CALY: variants seen among roughly 807,000 people sequenced by gnomAD.
CALY encodes neuron-specific vesicular protein calcyon.
Under a neutral mutation model 20.2 loss-of-function variants are expected in CALY, and 15 were observed. That is an observed-to-expected ratio of 0.74 (90% CI 0.50 to 1.14). CALY has a LOEUF of 1.14. Among genes scored for constraint, CALY ranks in the 50% most tolerant of loss-of-function variants. The pLI, the probability that CALY is intolerant of heterozygous loss-of-function variation, is 0.00. For synonymous variants in CALY, 129 were observed against 131.8 expected (o/e 0.98, Z 0.15); for missense variants, 270 against 304.4 (o/e 0.89, Z 0.84).
At chr10:133,326,248 C>G in intron 4 of CALY, 128 bp from the exon 5 acceptor site, 1 of 1,550,542 alleles carries the variant, frequency 6.4e-7, no homozygotes. Flanking sequence ...TTCAGGACAC[C>G]GAAGATCAGC....
chr10:133,334,644 T>G (rs1848397637), intron 1 of CALY, among the ~76,000 whole-genome samples: 1 of 139,524 alleles, frequency 7.2e-6, no homozygotes. Flanking sequence ...AGGAAGGATT[T>G]GGAGGTGGCA....
Position 133,326,881 on chromosome 10 carries a change from C to A in CALY, c.357G>T (p.Leu119=), listed in dbSNP as rs1265186852. The part of the protein sequence containing the change: ...DQFTCPDGFL[L]RHKICTPLTL... Reference sequence around the variant, plus strand: ...ACCAGAGCCCTGGCCCCCTTACCCGCAGCAGGAAGCCGTCGGGGCAGGTGA... The same window carrying A: ...ACCAGAGCCCTGGCCCCCTTACCCGAAGCAGGAAGCCGTCGGGGCAGGTGA... Residue 119 remains leucine, a synonymous_variant, in exon 4 of 6, where the codon CTG becomes CTT. Transcript: ENST00000252939. The A allele has an allele frequency of 3.1e-6, 5 of 1,602,470 alleles. No individual in the cohort carries two copies. In the South Asian group the frequency reaches 3.4e-5, roughly 11 times the overall value.
chr10:133,326,322 G>C (rs1315291167), intron 4 of CALY: 1 of 1,516,406 alleles, frequency 6.6e-7, no homozygotes, highest in Admixed American at 2.0e-5. Context: ...TGTAAGGGGA[G>C]GGGCCACCCA....
rs1173840245 is a variant in CALY at position 133,336,895 on chromosome 10, A to C, written c.-82T>G. ...GGGGAGGACGACGATGCGGATGTGG[A>C]TGCGGAGGATGCGGTTCCAGACGCT... On this transcript the variant is annotated 5_prime_UTR_variant, in exon 1 of 6. Coordinates refer to ENST00000252939, the MANE Select transcript of CALY (RefSeq NM_015722.4). 1.3e-5 allele frequency: 2 copies of C among 152,250 alleles called. No homozygotes were observed. Among genetic ancestry groups the C allele is most frequent in the Non-Finnish European group, 2.9e-5 (2 of 68,064 alleles). 9.4% of individuals were successfully genotyped at this position (152,250 alleles called of 1,614,324 possible).
rs1848456967 is a variant in CALY at position 133,336,893 on chromosome 10, G to C, written c.-80C>G. 6.6e-6 allele frequency: 1 copy of C among 152,302 alleles called. No homozygotes were observed. Among genetic ancestry groups the C allele is most frequent in the Non-Finnish European group, 1.5e-5 (1 of 68,090 alleles). The allele number at this position is 152,302 out of a possible 1,614,324, so 9.4% of individuals were successfully genotyped here. A position where few individuals can be genotyped will look rare whatever the true frequency, so the allele number is the denominator to read the frequency against. On this transcript the variant is annotated 5_prime_UTR_variant, in exon 1 of 6. Coordinates refer to ENST00000252939, the MANE Select transcript of CALY (RefSeq NM_015722.4). Reference sequence around the variant, plus strand: ...TCGGGGAGGACGACGATGCGGATGTGGATGCGGAGGATGCGGTTCCAGACG... The same window carrying C: ...TCGGGGAGGACGACGATGCGGATGTCGATGCGGAGGATGCGGTTCCAGACG...
chr10:133,334,700 G>A (rs1362620267), intron 1 of CALY, among the ~76,000 whole-genome samples: 1 of 151,986 alleles, frequency 6.6e-6, no homozygotes, highest in African/African-American at 2.4e-5. Flanking sequence ...CTGCGTGGGC[G>A]AGAGTGCGGC....
Position 133,324,406 on chromosome 10 carries a change from C to G in CALY, c.*1189G>C. 1 of 454,730 alleles carries G rather than the reference C, an allele frequency of 2.2e-6. No homozygotes were observed. Among genetic ancestry groups the G allele is most frequent in the Non-Finnish European group, 4.4e-6 (1 of 226,796 alleles). The allele number at this position is 454,730 out of a possible 1,614,324, so 28.2% of individuals were successfully genotyped here. A position where few individuals can be genotyped will look rare whatever the true frequency, so the allele number is the denominator to read the frequency against. The stretch of plus-strand genomic sequence containing the variant: ...AGCTGGGAAGCTGCCTAGACCCGCA[C>G]CTAGCCAGCAAGCCTGGGAGCCAAT... On this transcript the variant is annotated 3_prime_UTR_variant, in exon 6 of 6. Transcript: ENST00000252939.
intron 1 of CALY, among the ~76,000 whole-genome samples, chr10:133,332,070 C>G (rs566552693): frequency 2.0e-5 from 3 of 151,212 alleles, no homozygotes; most frequent in Admixed American, 6.6e-5. Flanking sequence ...GAGGTTGCAG[C>G]GAGCTGAGAT....
In CALY at chr10:133,325,813, C is replaced by T. The variant is rs1443976156; in HGVS notation, c.*14G>A. ...CGCGCACCTACCCCGGGCCGGGCTG[C>T]GGGGCTGGAGACGTCACTGCGCGGG... On this transcript the variant is annotated 3_prime_UTR_variant, in exon 5 of 6. Coordinates refer to ENST00000252939, the MANE Select transcript of CALY (RefSeq NM_015722.4). The T allele has an allele frequency of 4.3e-5, 51 of 1,197,654 alleles. No individual in the cohort carries two copies. Among genetic ancestry groups the T allele is most frequent in the Non-Finnish European group, 4.9e-5 (47 of 964,240 alleles). 74.2% of individuals were successfully genotyped at this position (1,197,654 alleles called of 1,614,324 possible).
In CALY at chr10:133,326,111, A is replaced by C. The variant is rs1421250856; in HGVS notation, c.370T>G (p.Cys124Gly). 2 of 1,595,416 alleles carry C rather than the reference A, an allele frequency of 1.3e-6. No homozygotes were observed. Among genetic ancestry groups the C allele is most frequent in the Non-Finnish European group, 1.7e-6 (2 of 1,167,602 alleles). The change falls in exon 5 of 6, where the codon TGC (cysteine) becomes GGC (glycine). Residue 124 changes from cysteine (C) to glycine (G), a missense_variant. Transcript: ENST00000252939. ...TACATCTCCAGGGTCAGCGGCGTGCAGATCTTGTGCTGCGGGAGGGGCCGG... is the reference window on the plus strand; with the variant it reads ...TACATCTCCAGGGTCAGCGGCGTGCCGATCTTGTGCTGCGGGAGGGGCCGG... ...PDGFLLRHKI[C>G]TPLTLEMYYT...
At chr10:133,327,718 A>G in intron 3 of CALY, 187 bp downstream of exon 3, 1 of 688,452 alleles carries the variant, frequency 1.5e-6, no homozygotes, top group South Asian at 1.5e-5. Flanking sequence ...CAGCCTCGGG[A>G]GGGGGCCTGG....
At chr10:133,327,512 A>G (rs377555583) in intron 3 of CALY, 8 of 572,870 alleles carry the variant, frequency 1.4e-5, no homozygotes, top group African/African-American at 9.3e-5. Context: ...CATTAGTAAC[A>G]TTGACAGATT....
Position 133,328,907 on chromosome 10 carries a change from G to A in CALY, c.83C>T (p.Pro28Leu), listed in dbSNP as rs1357262589. ...GCTGATGTCCAAGGGGCTGATCAGA[G>A]GCACACTGTCCATGGCAGCCCCATC... Reference protein sequence around the residue: ...DQDGAAMDSVPLISPLDISQL... With the variant: ...DQDGAAMDSVLLISPLDISQL... Residue 28 changes from proline to leucine, a missense_variant, in exon 2 of 6, where the codon CCT becomes CTT. By Grantham distance (98) the Pro-to-Leu change is moderately conservative. Coordinates refer to ENST00000252939, the MANE Select transcript of CALY (RefSeq NM_015722.4). The A allele has an allele frequency of 1.9e-6, 3 of 1,553,924 alleles. No homozygotes were observed. Among genetic ancestry groups the A allele is most frequent in the Non-Finnish European group, 2.6e-6 (3 of 1,149,060 alleles).
At chr10:133,335,112 C>G (rs113697323) in intron 1 of CALY, among the ~76,000 whole-genome samples, 3,438 of 151,962 alleles carry the variant, frequency 0.023, 58 homozygotes, top group Middle Eastern at 0.037. Flanking sequence ...GCCGAGAGGC[C>G]GGGGAATGAC....
chr10:133,331,267 C>G (rs1848302127), intron 1 of CALY, among the ~76,000 whole-genome samples: 1 of 152,166 alleles, frequency 6.6e-6, no homozygotes, highest in South Asian at 2.1e-4. Flanking sequence ...TGCTGGAGGT[C>G]TCAGCCAATG....
intron 1 of CALY, among the ~76,000 whole-genome samples, chr10:133,331,424 G>C (rs1305555777): frequency 6.6e-6 from 1 of 152,196 alleles, no homozygotes; most frequent in Non-Finnish European, 1.5e-5. Flanking sequence ...AGTTTGGCAA[G>C]GTTGTTGGAT....
At chr10:133,327,856 T>G (rs1336936464) in intron 3 of CALY, 49 bp downstream of exon 3, 1 of 1,297,632 alleles carries the variant, frequency 7.7e-7, no homozygotes, top group African/African-American at 1.5e-5. Context: ...GCCTTCCACC[T>G]TCTCCTCCTG....
intron 1 of CALY, among the ~76,000 whole-genome samples, chr10:133,333,037 A>G (rs921213776): frequency 2.0e-5 from 3 of 151,832 alleles, no homozygotes; most frequent in African/African-American, 7.3e-5. Flanking sequence ...GAGGATGTCC[A>G]ATTAACTGCC....
rs144848884 is a variant in CALY, at chr10:133,326,330, C to A, written c.361-210G>T. The A allele has an allele frequency of 9.2e-4, 1,365 of 1,479,800 alleles. 13 individuals carry two copies. The African/African-American group carries it at 0.017, about 18-fold the overall frequency. The allele number at this position is 1,479,800 out of a possible 1,614,324, so 91.7% of individuals were successfully genotyped here. On this transcript the variant is annotated intron_variant, in intron 4 of 5. Coordinates refer to ENST00000252939, the MANE Select transcript of CALY (RefSeq NM_015722.4). ...CGCGCGTTGTAAGGGGAGGGGCCAC[C>A]CAGGGAGAGGGGCGCAGACACCAGT...
Sources: gnomAD v4.1 joint callset for allele counts (sites outside exome capture counted in the v4.1 genomes callset) on GRCh38, gnomAD v4.1.1 for gene constraint, MANE v1.5 for transcripts, NCBI Gene and HGNC (gene_info 2026-07-23, HGNC 2026-07-21) for gene names.